Variants in GLIPR1L2 observed in about 807,000 individuals in gnomAD.
GLIPR1L2 encodes the protein GLIPR1 like 2.
Under a neutral mutation model 28.4 loss-of-function variants are expected in GLIPR1L2, and 21 were observed. That is an observed-to-expected ratio of 0.74 (90% CI 0.52 to 1.06). GLIPR1L2 has a LOEUF of 1.06. Ranked by LOEUF, GLIPR1L2 falls within the 50% of genes least tolerant of loss-of-function variation. GLIPR1L2 has a pLI of 0.00. For synonymous variants in GLIPR1L2, 145 were observed against 139.3 expected (o/e 1.04, Z -0.29); for missense variants, 476 against 416.9 (o/e 1.14, Z -1.23).
chr12:75,406,773 A>C (rs1244389364), intron 1 of GLIPR1L2, among the ~76,000 whole-genome samples: 1 of 145,152 alleles, frequency 6.9e-6, no homozygotes, highest in African/African-American at 2.5e-5. Flanking sequence ...AAAAAAAAAA[A>C]AGAGAGAGAG....
At chr12:75,400,991 A>G (rs552127679) in intron 1 of GLIPR1L2, among the ~76,000 whole-genome samples, 116 of 152,102 alleles carry the variant, frequency 7.6e-4, no homozygotes, top group African/African-American at 2.7e-3. Context: ...GAAGTTAAAG[A>G]TAGTTAAGAT....
chr12:75,426,251 A>G (rs1259448279), intron 4 of GLIPR1L2, among the ~76,000 whole-genome samples: 2 of 152,192 alleles, frequency 1.3e-5, no homozygotes, highest in Admixed American at 1.3e-4. Flanking sequence ...TCCAAGCAAA[A>G]ATGTAAGATC....
chr12:75,410,604 A>C lies in GLIPR1L2; in HGVS notation c.405A>C (p.Arg135Ser). 6.2e-7 allele frequency: 1 copy of C among 1,612,216 alleles called. No homozygotes were observed. Among genetic ancestry groups the C allele is most frequent in the Non-Finnish European group, 8.5e-7 (1 of 1,178,818 alleles). Residue 135 changes from arginine to serine, a missense_variant, in exon 2 of 6, where the codon AGA becomes AGC. By Grantham distance (110) the Arg-to-Ser change is moderately radical. Coordinates refer to ENST00000550916, the MANE Select transcript of GLIPR1L2 (RefSeq NM_001270396.2). ...AATTTACTGCAAGTATTGCTATCAG[A>C]AGTTGGCATGCAGAGAAGAAAATGT... ...ENEFTASIAI[R>S]SWHAEKKMYN...
rs571245884 is a variant in GLIPR1L2, at chr12:75,423,449, C to A, written c.670+460C>A. ...AGAAAATATGTTTGATTACATTTTT[C>A]TTTTAGTTTTTCCAAACATGAGAGA... On this transcript the variant is annotated intron_variant, in intron 4 of 5. Coordinates refer to ENST00000550916, the MANE Select transcript of GLIPR1L2 (RefSeq NM_001270396.2). 111 of 913,194 alleles carry A rather than the reference C, an allele frequency of 1.2e-4. 1 individual carries two copies. The South Asian group carries it at 1.6e-3, about 13-fold the overall frequency. The allele number at this position is 913,194 out of a possible 1,614,324, so 56.6% of individuals were successfully genotyped here. A position where few individuals can be genotyped will look rare whatever the true frequency, so the allele number is the denominator to read the frequency against.
intron 1 of GLIPR1L2, chr12:75,403,204 A>T (rs2045761490): frequency 2.3e-6 from 1 of 439,532 alleles, no homozygotes; most frequent in Non-Finnish European, 4.6e-6. Context: ...GATGGTGAGG[A>T]TAGATTTTTT....
Position 75,431,129 on chromosome 12 carries a change from C to T in GLIPR1L2, c.1003C>T (p.Gln335Ter), listed in dbSNP as rs779105290. 208 of 822,460 alleles carry T rather than the reference C, an allele frequency of 2.5e-4. No homozygotes were observed. Among genetic ancestry groups the T allele is most frequent in the Non-Finnish European group, 2.6e-4 (138 of 540,226 alleles). 50.9% of individuals were successfully genotyped at this position (822,460 alleles called of 1,614,324 possible). A position where few individuals can be genotyped will look rare whatever the true frequency, so the allele number is the denominator to read the frequency against. ...EEREEEEEET[Q>*]KEKMEEEEK The stretch of plus-strand genomic sequence containing the variant: ...GAGAGAGGAGGAGGAGGAGGAAACA[C>T]AAAAAGAAAAGATGGAGGAAGAGGA... Residue 335 changes from glutamine to a stop codon, truncating the protein, a stop_gained, in exon 6 of 6, where the codon CAA (glutamine) becomes TAA (stop). Transcript: ENST00000550916. LOFTEE classifies it low-confidence loss of function (END_TRUNC).
At chr12:75,425,748 G>T (rs891273228) in intron 4 of GLIPR1L2, among the ~76,000 whole-genome samples, 1 of 152,150 alleles carries the variant, frequency 6.6e-6, no homozygotes. Context: ...CGTGCTAGGG[G>T]CTAGAGACAA....
intron 2 of GLIPR1L2, among the ~76,000 whole-genome samples, chr12:75,413,183 C>A (rs574579765): frequency 1.6e-5 from 2 of 126,776 alleles, no homozygotes; most frequent in African/African-American, 6.3e-5. Flanking sequence ...CATCACACTC[C>A]GGGGCCTGTT....
chr12:75,428,840 C>T (rs879770062), intron 4 of GLIPR1L2, among the ~76,000 whole-genome samples: 2 of 152,220 alleles, frequency 1.3e-5, no homozygotes, highest in Non-Finnish European at 2.9e-5. Flanking sequence ...AGCCCCAAGC[C>T]TTGGTAGCAC....
At chr12:75,399,717 A>G (rs558284877) in intron 1 of GLIPR1L2, among the ~76,000 whole-genome samples, 22 of 152,150 alleles carry the variant, frequency 1.4e-4, no homozygotes, top group Non-Finnish European at 2.4e-4. Flanking sequence ...TGCTATTCAG[A>G]CTTTTTAACA....
At chr12:75,406,624 G>A (rs1168631902) in intron 1 of GLIPR1L2, among the ~76,000 whole-genome samples, 1 of 151,750 alleles carries the variant, frequency 6.6e-6, no homozygotes, top group Non-Finnish European at 1.5e-5. Flanking sequence ...TGGGTGCGGT[G>A]GTGCACACCT....
At chr12:75,412,913 C>T (rs1250995891) in intron 2 of GLIPR1L2, among the ~76,000 whole-genome samples, 2 of 151,996 alleles carry the variant, frequency 1.3e-5, no homozygotes, top group African/African-American at 4.8e-5. Context: ...TATTGTGGCA[C>T]TATTCACAAT....
At chr12:75,398,328 C>CAAGAA (rs2045703533) in intron 1 of GLIPR1L2, among the ~76,000 whole-genome samples, 1 of 87,936 alleles carries the variant, frequency 1.1e-5, no homozygotes, top group African/African-American at 4.8e-5. Context: ...GACTCCATCT[C>CAAGAA]AAAAAAAAAA....
chr12:75,420,225 C>G (rs183765225), intron 3 of GLIPR1L2, among the ~76,000 whole-genome samples: 16 of 152,268 alleles, frequency 1.1e-4, no homozygotes, highest in African/African-American at 3.6e-4. Flanking sequence ...AAGAATCTGC[C>G]TACAAATTGT....
At chr12:75,419,476 C>T (rs970701892) in intron 3 of GLIPR1L2, among the ~76,000 whole-genome samples, 3 of 152,014 alleles carry the variant, frequency 2.0e-5, no homozygotes, top group African/African-American at 7.2e-5. Context: ...ATGAATTATC[C>T]ATATGAATGT....
At chr12:75,425,956 A>G (rs2046030197) in intron 4 of GLIPR1L2, among the ~76,000 whole-genome samples, 1 of 152,232 alleles carries the variant, frequency 6.6e-6, no homozygotes, top group Admixed American at 6.5e-5. Flanking sequence ...AAATGTGTAT[A>G]TATACACAGA....
chr12:75,395,589 T>A (rs2045673779), intron 1 of GLIPR1L2, among the ~76,000 whole-genome samples: 1 of 151,772 alleles, frequency 6.6e-6, no homozygotes, highest in South Asian at 2.1e-4. Context: ...TCTGGGCTTT[T>A]CTTTGTTGGG....
At chr12:75,420,921 G>A (rs1255133292) in intron 3 of GLIPR1L2, among the ~76,000 whole-genome samples, 1 of 152,162 alleles carries the variant, frequency 6.6e-6, no homozygotes, top group Non-Finnish European at 1.5e-5. Flanking sequence ...TCAGTTTTAT[G>A]TATGTATGTA....
intron 3 of GLIPR1L2, among the ~76,000 whole-genome samples, chr12:75,422,458 G>A (rs1355294524): frequency 4.0e-5 from 6 of 151,722 alleles, no homozygotes; most frequent in African/African-American, 7.3e-5. Context: ...ACCTGCCACC[G>A]CACCTGGCTA....
Sources: allele counts gnomAD v4.1 joint callset (sites outside exome capture counted in the v4.1 genomes callset), GRCh38; gene constraint gnomAD v4.1.1; transcripts MANE v1.5; gene names NCBI Gene and HGNC (gene_info 2026-07-23, HGNC 2026-07-21).